The following MOB3B variants were observed in gnomAD, a reference collection of about 807,000 sequenced individuals.
MOB3B encodes the protein MOB kinase activator 3B, also known as MOB kinase activator-like 2B.
In MOB3B, 7 loss-of-function variants were observed where a neutral mutation model predicts 18.7. The ratio of observed to expected loss-of-function variants is 0.37; its 90% confidence interval spans 0.21 to 0.70. The LOEUF (loss-of-function observed/expected upper bound fraction) is 0.70. Ranked by LOEUF, MOB3B falls within the 30% of genes least tolerant of loss-of-function variation. MOB3B has a pLI of 0.52. For missense variants in MOB3B, 253 were observed against 281.3 expected, an observed-to-expected ratio of 0.90 and a Z score of 0.72; for synonymous variants, 111 against 99.9, an observed-to-expected ratio of 1.11 and a Z score of -0.66.
At chr9:27,400,881 C>A (rs1821867848) in intron 2 of MOB3B, among the ~76,000 whole-genome samples, 3 of 152,208 alleles carry the variant, frequency 2.0e-5, no homozygotes. Context: ...CTAGCTTAGG[C>A]TTCTGTGGAG....
At chr9:27,392,436 A>G (rs1003037192) in intron 2 of MOB3B, among the ~76,000 whole-genome samples, 10 of 152,200 alleles carry the variant, frequency 6.6e-5, no homozygotes, top group Non-Finnish European at 1.2e-4. Context: ...AAAATCCAGG[A>G]AATTTTAAAA....
At chr9:27,414,531 G>C (rs1822118297) in intron 2 of MOB3B, among the ~76,000 whole-genome samples, 1 of 152,180 alleles carries the variant, frequency 6.6e-6, no homozygotes, top group Admixed American at 6.5e-5. Flanking sequence ...GCTAATATGA[G>C]GATTAGGTTT....
chr9:27,405,247 A>G (rs1821949503), intron 2 of MOB3B, among the ~76,000 whole-genome samples: 1 of 151,748 alleles, frequency 6.6e-6, no homozygotes, highest in Non-Finnish European at 1.5e-5. Context: ...AGCTGGGATT[A>G]CAGGCATATG....
chr9:27,355,771 C>A (rs1284218653), intron 3 of MOB3B, among the ~76,000 whole-genome samples: 1 of 151,952 alleles, frequency 6.6e-6, no homozygotes, highest in African/African-American at 2.4e-5. Context: ...ACCGTGTTAG[C>A]CAGGATGGTC....
In MOB3B at chr9:27,359,145, G is replaced by T; in HGVS notation, c.510C>A (p.Phe170Leu). 2 of 1,614,146 alleles carry T rather than the reference G, an allele frequency of 1.2e-6. No homozygotes were observed. The highest frequency in any genetic ancestry group is 1.7e-6 in the Non-Finnish European group (2 of 1,180,024). ...CTGCACCCATCACAATGACCCGGTC[G>T]AAGTGGTGGATATAGACGTGGACAA... ...RVFVHVYIHH[F>L]DRVIVMGAEA... The change falls in exon 3 of 4, where the codon TTC becomes TTA. Residue 170 changes from phenylalanine (F) to leucine (L), a missense_variant. Transcript: ENST00000262244.
At chr9:27,374,945 T>C (rs999226769) in intron 2 of MOB3B, among the ~76,000 whole-genome samples, 3 of 152,232 alleles carry the variant, frequency 2.0e-5, no homozygotes, top group African/African-American at 7.2e-5. Flanking sequence ...TTACAGCAGA[T>C]GGTGGGCACT....
chr9:27,386,986 G>A lies in MOB3B; in HGVS notation c.419-27750C>T, dbSNP rs1016825575. Among the ~76,000 whole-genome samples, 6 of 152,264 alleles carry A rather than the reference G, an allele frequency of 3.9e-5. No homozygotes were observed. In the East Asian group the frequency reaches 5.8e-4, roughly 15 times the overall value. ...TGCAAATGTTTGTGTTGGCTTCTCC[G>A]TGAACTCTGGAAATAGCAGCAAAAT... On this transcript the variant is annotated intron_variant, in intron 2 of 3. Transcript: ENST00000262244.
chr9:27,508,345 G>C (rs1285477621), intron 1 of MOB3B, among the ~76,000 whole-genome samples: 1 of 152,028 alleles, frequency 6.6e-6, no homozygotes, highest in South Asian at 2.1e-4. Context: ...AAAACGCAAG[G>C]GTTGTTCAGA....
At chr9:27,334,714 T>G (rs1820837295) in intron 3 of MOB3B, among the ~76,000 whole-genome samples, 1 of 152,232 alleles carries the variant, frequency 6.6e-6, no homozygotes, top group Non-Finnish European at 1.5e-5. Context: ...GTAAAATGAC[T>G]TATTCCAAGT....
chr9:27,345,591 C>T (rs998074669), intron 3 of MOB3B, among the ~76,000 whole-genome samples: 5 of 152,118 alleles, frequency 3.3e-5, no homozygotes, highest in East Asian at 3.9e-4. Flanking sequence ...TCATGCTACT[C>T]GCCTGTTAAC....
At chr9:27,481,948 T>C (rs78923167) in intron 1 of MOB3B, among the ~76,000 whole-genome samples, 4,985 of 152,100 alleles carry the variant, frequency 0.033, 437 homozygotes, top group East Asian at 0.28. Context: ...ACATCAGCCA[T>C]GAATTTTTTT....
At chr9:27,434,425 A>G (rs1822464441) in intron 2 of MOB3B, among the ~76,000 whole-genome samples, 1 of 151,712 alleles carries the variant, frequency 6.6e-6, no homozygotes, top group African/African-American at 2.4e-5. Flanking sequence ...GTGTGCCTCA[A>G]AGCTCTGTCC....
chr9:27,330,642 TTAGGAGAAAC>T, intron 3 of MOB3B, 26 bp from the exon 4 acceptor site: 1 of 1,613,904 alleles, frequency 6.2e-7, no homozygotes, highest in Non-Finnish European at 8.5e-7. Context: ...AAAAGGATGG[TTAGGAGAAAC>T]TATAAGCAGA....
chr9:27,376,386 A>G (rs1821490023), intron 2 of MOB3B, among the ~76,000 whole-genome samples: 1 of 152,222 alleles, frequency 6.6e-6, no homozygotes, highest in Non-Finnish European at 1.5e-5. Context: ...TTCATAGAAA[A>G]TATTGAAATG....
rs1488641322 is a variant in MOB3B at position 27,529,677 on chromosome 9, G to C, written c.-321C>G. ...GCGTCGCTTGCCAATCCACGCAAGG[G>C]ACTCTGCCGCCGGTGCGCGAGGTCC... On this transcript the variant is annotated 5_prime_UTR_variant, in exon 1 of 4. Transcript: ENST00000262244. 2 of 985,304 alleles carry C rather than the reference G, an allele frequency of 2.0e-6. No homozygotes were observed. The highest frequency in any genetic ancestry group is 2.4e-6 in the Non-Finnish European group (2 of 829,908). The allele number at this position is 985,304 out of a possible 1,614,324, so 61.0% of individuals were successfully genotyped here. A position where few individuals can be genotyped will look rare whatever the true frequency, so the allele number is the denominator to read the frequency against.
rs973022161 is a variant in MOB3B, at chr9:27,440,458, G to A, written c.418+14675C>T. ...GATGTTTGGTACTCTATAAGAATAC[G>A]TATCAATGGATGATGGGAAGAAATT... On this transcript the variant is annotated intron_variant, in intron 2 of 3. Coordinates refer to ENST00000262244, the MANE Select transcript of MOB3B (RefSeq NM_024761.5). Among the ~76,000 whole-genome samples the A allele has an allele frequency of 1.2e-4, 18 of 150,500 alleles. No individual in the cohort carries two copies. In the East Asian group the frequency reaches 1.4e-3, roughly 11 times the overall value.
chr9:27,350,934 C>G (rs1256129073), intron 3 of MOB3B, among the ~76,000 whole-genome samples: 1 of 148,684 alleles, frequency 6.7e-6, no homozygotes, highest in Non-Finnish European at 1.5e-5. Context: ...CGAAGTCTCG[C>G]TGTTGTGCCC....
intron 1 of MOB3B, among the ~76,000 whole-genome samples, chr9:27,467,416 TC>T (rs1451130364): frequency 1.3e-5 from 2 of 152,238 alleles, no homozygotes; most frequent in African/African-American, 4.8e-5. Flanking sequence ...TCTGGATTTC[TC>T]CTATGATCAG....
intron 2 of MOB3B, among the ~76,000 whole-genome samples, chr9:27,371,578 T>A (rs1019385436): frequency 3.3e-5 from 5 of 152,210 alleles, no homozygotes; most frequent in East Asian, 1.9e-4. Flanking sequence ...ATTCATGAAC[T>A]AATTCAAGTA....
Sources: allele counts gnomAD v4.1 joint callset (sites outside exome capture counted in the v4.1 genomes callset), GRCh38; gene constraint gnomAD v4.1.1; transcripts MANE v1.5; gene names NCBI Gene and HGNC (gene_info 2026-07-23, HGNC 2026-07-21).